Variants in NRG1 observed in about 807,000 individuals in gnomAD.
NRG1 encodes the protein neuregulin 1.
NRG1 carries 18 observed loss-of-function variants against 63.8 expected under a neutral mutation model. The observed-to-expected ratio is 0.28, with a 90% CI of 0.19 to 0.42. The LOEUF (loss-of-function observed/expected upper bound fraction) is 0.42. Ranked by LOEUF, NRG1 falls within the 10% of genes least tolerant of loss-of-function variation. NRG1 has a pLI of 1.00. For synonymous variants in NRG1, 302 were observed against 301.3 expected, an observed-to-expected ratio of 1.00 and a Z score of -0.02; for missense variants, 762 against 814.7, an observed-to-expected ratio of 0.94 and a Z score of 0.79.
At chr8:32,728,294 G>A (rs903156382) in intron 6 of NRG1, 2 of 983,566 alleles carry the variant, frequency 2.0e-6, no homozygotes. Flanking sequence ...TGTGTGTGAG[G>A]TGTTTTTTGT....
chr8:31,874,394 T>C (rs1829739911), intron 1 of NRG1, among the ~76,000 whole-genome samples: 1 of 152,220 alleles, frequency 6.6e-6, no homozygotes, highest in African/African-American at 2.4e-5. Flanking sequence ...AGGCATAGTG[T>C]ATTATAGCAG....
At chr8:31,682,535 C>T (rs919977872) in intron 1 of NRG1, among the ~76,000 whole-genome samples, 1 of 152,080 alleles carries the variant, frequency 6.6e-6, no homozygotes, top group African/African-American at 2.4e-5. Flanking sequence ...TGATATTGTA[C>T]TGTAATTAGG....
chr8:32,511,853 A>G (rs1829262182), intron 1 of NRG1, among the ~76,000 whole-genome samples: 1 of 152,160 alleles, frequency 6.6e-6, no homozygotes, highest in Admixed American at 6.5e-5. Flanking sequence ...TGTGACCCTA[A>G]ATGGGGAGAA....
chr8:32,038,749 C>T (rs564863834), intron 1 of NRG1, among the ~76,000 whole-genome samples: 1 of 152,094 alleles, frequency 6.6e-6, no homozygotes, highest in South Asian at 2.1e-4. Context: ...TGTGAGAGGG[C>T]TTGGTGTTCC....
At chr8:32,575,716 T>C (rs1206784301) in intron 1 of NRG1, among the ~76,000 whole-genome samples, 1 of 152,208 alleles carries the variant, frequency 6.6e-6, no homozygotes, top group East Asian at 1.9e-4. Context: ...GTGACACCAA[T>C]GTAAGGCTTG....
intron 1 of NRG1, among the ~76,000 whole-genome samples, chr8:32,314,593 A>T (rs1382059706): frequency 6.6e-6 from 1 of 152,194 alleles, no homozygotes. Flanking sequence ...GTAGAACATT[A>T]TTCATCTTGT....
At chr8:32,478,956 A>C (rs1044621028) in intron 1 of NRG1, among the ~76,000 whole-genome samples, 2 of 152,180 alleles carry the variant, frequency 1.3e-5, no homozygotes, top group African/African-American at 4.8e-5. Flanking sequence ...CACCTTCCTG[A>C]AAACTGTTGC....
intron 1 of NRG1, among the ~76,000 whole-genome samples, chr8:32,188,794 C>T (rs1563888358): frequency 6.6e-6 from 1 of 151,676 alleles, no homozygotes; most frequent in African/African-American, 2.4e-5. Context: ...GGGAACATCA[C>T]ACTCTGGGGA....
chr8:32,566,858 G>C (rs1837547162), intron 1 of NRG1, among the ~76,000 whole-genome samples: 1 of 151,984 alleles, frequency 6.6e-6, no homozygotes, highest in South Asian at 2.1e-4. Context: ...GTTTTGTTTT[G>C]TTTTGTTTTG....
intron 1 of NRG1, among the ~76,000 whole-genome samples, chr8:31,766,590 T>A (rs555234596): frequency 2.6e-4 from 40 of 152,238 alleles, no homozygotes; most frequent in African/African-American, 9.6e-4. Flanking sequence ...AGCTAAAGAA[T>A]AATAGTGATA....
intron 1 of NRG1, among the ~76,000 whole-genome samples, chr8:32,001,857 T>G (rs1281339392): frequency 6.6e-6 from 1 of 152,034 alleles, no homozygotes; most frequent in Non-Finnish European, 1.5e-5. Context: ...ATGTTGACCT[T>G]GATCACTGGG....
At chr8:32,520,828 T>A (rs1302885140) in intron 1 of NRG1, among the ~76,000 whole-genome samples, 1 of 152,218 alleles carries the variant, frequency 6.6e-6, no homozygotes, top group Non-Finnish European at 1.5e-5. Flanking sequence ...TCGCCCATCC[T>A]GTTCTGTCCC....
At chr8:32,406,595 G>C (rs1016163906) in intron 1 of NRG1, among the ~76,000 whole-genome samples, 2 of 151,916 alleles carry the variant, frequency 1.3e-5, no homozygotes, top group African/African-American at 4.8e-5. Flanking sequence ...TCAGATTTTA[G>C]AACACAAAGC....
chr8:31,956,040 C>CAAAA (rs11386219), intron 1 of NRG1, among the ~76,000 whole-genome samples: 58 of 128,080 alleles, frequency 4.5e-4, no homozygotes, highest in African/African-American at 1.9e-3. Context: ...GAACCTGTCT[C>CAAAA]AAAAAAAAAA....
chr8:32,331,272 T>C (rs1378848438), intron 1 of NRG1, among the ~76,000 whole-genome samples: 1 of 149,964 alleles, frequency 6.7e-6, no homozygotes, highest in Non-Finnish European at 1.5e-5. Context: ...GAGGGGGATG[T>C]AATCCCAGCA....
At chr8:32,364,502 T>A (rs1807680945) in intron 1 of NRG1, among the ~76,000 whole-genome samples, 1 of 152,194 alleles carries the variant, frequency 6.6e-6, no homozygotes, top group Non-Finnish European at 1.5e-5. Context: ...ATAGATAATT[T>A]TTCATGACTG....
At position 32,492,865 on chromosome 8, in the gene NRG1, AG is replaced by A. The variant is rs751080350; in HGVS notation, c.38-102959del. Among the ~76,000 whole-genome samples the A allele has an allele frequency of 5.7e-4, 86 of 152,046 alleles. 2 individuals are homozygous for A. Among genetic ancestry groups the A allele is most frequent in the Admixed American group, 7.2e-4 (11 of 15,260 alleles). ...AATTTTGAGTGTGTGTCTGGTGGGG[AG>A]GGGAGGCTGGGGGGTTAAATTCATG... On this transcript the variant is annotated intron_variant, in intron 1 of 10. Transcript: ENST00000519301.
intron 1 of NRG1, among the ~76,000 whole-genome samples, chr8:32,217,647 A>G (rs1339075129): frequency 6.6e-6 from 1 of 152,214 alleles, no homozygotes; most frequent in East Asian, 1.9e-4. Flanking sequence ...CGGGTGAAAA[A>G]GGAGAGGAAC....
At chr8:32,548,595 G>C in exon 1 of NRG1, 3 of 1,345,724 alleles carry the variant, frequency 2.2e-6, no homozygotes, top group Non-Finnish European at 2.9e-6. Flanking sequence ...CCCCCGCGCA[G>C]CGCGAGCGCC....
Sources: gnomAD v4.1 joint callset for allele counts (sites outside exome capture counted in the v4.1 genomes callset) on GRCh38, gnomAD v4.1.1 for gene constraint, MANE v1.5 for transcripts, NCBI Gene and HGNC (gene_info 2026-07-23, HGNC 2026-07-21) for gene names.